The following IGF1R variants were observed in gnomAD, a reference collection of about 807,000 sequenced individuals.
IGF1R encodes insulin-like growth factor 1 receptor.
IGF1R carries 44 observed loss-of-function variants against 144.6 expected under a neutral mutation model. That is an observed-to-expected ratio of 0.30 (90% confidence interval 0.24 to 0.39). The LOEUF (loss-of-function observed/expected upper bound fraction) is 0.39, where lower values mean the gene tolerates loss of function less well. Ranked by LOEUF, IGF1R falls within the 10% of genes least tolerant of loss-of-function variation. IGF1R has a pLI of 1.00. For missense variants in IGF1R, 1,355 were observed against 1,833.7 expected, an observed-to-expected ratio of 0.74 and a Z score of 4.77; for synonymous variants, 795 against 722.8, an observed-to-expected ratio of 1.10 and a Z score of -1.60.
At chr15:98,712,484 C>A (rs1177900919) in intron 2 of IGF1R, among the ~76,000 whole-genome samples, 2 of 152,126 alleles carry the variant, frequency 1.3e-5, no homozygotes, top group Non-Finnish European at 2.9e-5. Context: ...CCTTTCCCTC[C>A]CGAATGGAAT....
intron 19 of IGF1R, among the ~76,000 whole-genome samples, chr15:98,944,261 G>A (rs939625): frequency 0.94 from 143,360 of 152,276 alleles, 68,119 homozygotes; most frequent in East Asian, 1. Flanking sequence ...CATATCTCTC[G>A]GGCAAATTTT....
At chr15:98,819,882 C>T (rs2056769992) in intron 2 of IGF1R, among the ~76,000 whole-genome samples, 1 of 152,102 alleles carries the variant, frequency 6.6e-6, no homozygotes, top group African/African-American at 2.4e-5. Context: ...GATGATCATA[C>T]CTGCTTCTAT....
intron 2 of IGF1R, among the ~76,000 whole-genome samples, chr15:98,733,738 G>C (rs532434481): frequency 1.3e-5 from 2 of 152,182 alleles, no homozygotes; most frequent in Non-Finnish European, 2.9e-5. Context: ...TGGAACATGG[G>C]ACTGTTTGCA....
chr15:98,899,249 A>C (rs1042646531), intron 4 of IGF1R, among the ~76,000 whole-genome samples: 2 of 152,196 alleles, frequency 1.3e-5, no homozygotes, highest in Non-Finnish European at 2.9e-5. Flanking sequence ...AGTACCCCCC[A>C]GCCTCCTAGA....
chr15:98,909,846 A>T (rs2014925083), intron 6 of IGF1R, among the ~76,000 whole-genome samples: 1 of 152,228 alleles, frequency 6.6e-6, no homozygotes. Flanking sequence ...CTCATATCAG[A>T]GATACAGCAG....
chr15:98,816,179 C>T lies in IGF1R; in HGVS notation c.641-75146C>T, dbSNP rs192799933. Among the ~76,000 whole-genome samples, 401 of 152,320 alleles carry T rather than the reference C, an allele frequency of 2.6e-3. 3 individuals carry two copies. Among genetic ancestry groups the T allele is most frequent in the African/African-American group, 8.8e-3 (366 of 41,568 alleles). ...CTTCACAGTGGCCCTAATCATGGGTCTCATCCTTGTTTTCCTGTCTCTTTG... is the reference window on the plus strand; with the variant it reads ...CTTCACAGTGGCCCTAATCATGGGTTTCATCCTTGTTTTCCTGTCTCTTTG... On this transcript the variant is annotated intron_variant, in intron 2 of 20. Coordinates refer to ENST00000650285, the MANE Select transcript of IGF1R (RefSeq NM_000875.5).
At chr15:98,656,846 G>A (rs1487158321) in intron 1 of IGF1R, among the ~76,000 whole-genome samples, 1 of 152,098 alleles carries the variant, frequency 6.6e-6, no homozygotes, top group Non-Finnish European at 1.5e-5. Context: ...ATACATTGTT[G>A]TTGCTGTTTT....
intron 2 of IGF1R, among the ~76,000 whole-genome samples, chr15:98,849,710 A>G (rs2011468034): frequency 6.6e-6 from 1 of 152,246 alleles, no homozygotes; most frequent in Admixed American, 6.5e-5. Flanking sequence ...GCTCCTAGAA[A>G]TTGTTAAGGA....
At position 98,964,360 on chromosome 15, in the gene IGF1R, T is replaced by G. The variant is rs551380064; in HGVS notation, c.*6918T>G. 2 of 230,888 alleles carry G rather than the reference T, an allele frequency of 8.7e-6. No individual in the cohort carries two copies. The highest frequency in any genetic ancestry group is 1.7e-5 in the Non-Finnish European group (2 of 116,514). 14.3% of individuals were successfully genotyped at this position (230,888 alleles called of 1,614,324 possible). A position where few individuals can be genotyped will look rare whatever the true frequency, so the allele number is the denominator to read the frequency against. On this transcript the variant is annotated 3_prime_UTR_variant, in exon 21 of 21. Transcript: ENST00000650285. ...TTCAAAATGTTTTTGTATATTCTGTTGTAAGAATTTATTCCTGTTATTGCG... is the reference window on the plus strand; with the variant it reads ...TTCAAAATGTTTTTGTATATTCTGTGGTAAGAATTTATTCCTGTTATTGCG...
chr15:98,659,444 A>T (rs1352702923), intron 1 of IGF1R, among the ~76,000 whole-genome samples: 3 of 152,172 alleles, frequency 2.0e-5, no homozygotes, highest in African/African-American at 7.2e-5. Context: ...TAGGTGACTG[A>T]ATTAATAGTG....
intron 2 of IGF1R, among the ~76,000 whole-genome samples, chr15:98,780,811 T>C (rs773673266): frequency 1.3e-5 from 2 of 152,214 alleles, no homozygotes; most frequent in African/African-American, 2.4e-5. Flanking sequence ...CATTTCTTTT[T>C]AATTAAACAA....
intron 5 of IGF1R, 55 bp from the exon 6 acceptor site, chr15:98,908,630 T>C: frequency 7.3e-7 from 1 of 1,368,676 alleles, no homozygotes. Flanking sequence ...GCCAGCAGGC[T>C]AGAGGGGACT....
At position 98,824,437 on chromosome 15, in the gene IGF1R, ACTT is replaced by A. The variant is rs537552436; in HGVS notation, c.641-66881_641-66879del. On this transcript the variant is annotated intron_variant, in intron 2 of 20. Coordinates refer to ENST00000650285, the MANE Select transcript of IGF1R (RefSeq NM_000875.5). The stretch of plus-strand genomic sequence containing the variant: ...AATACATCCTGTAAATTATTGTCAG[ACTT>A]CTTCTTATCTAAATAACTCGTTTAG... 8.5e-5 allele frequency among the ~76,000 whole-genome samples: 13 copies of A among 152,260 alleles called. No individual in the cohort carries two copies. In the East Asian group the frequency reaches 1.5e-3, roughly 18 times the overall value.
intron 2 of IGF1R, among the ~76,000 whole-genome samples, chr15:98,754,369 G>T (rs2095918821): frequency 6.6e-6 from 1 of 152,156 alleles, no homozygotes. Flanking sequence ...AGAGTCTTAA[G>T]CGATCTCCAG....
intron 18 of IGF1R, among the ~76,000 whole-genome samples, chr15:98,941,492 T>G (rs1318829447): frequency 1.3e-5 from 2 of 152,234 alleles, no homozygotes. Flanking sequence ...AAGTTTTTCA[T>G]TTGTGCTGAG....
chr15:98,793,742 A>C (rs548773129), intron 2 of IGF1R, among the ~76,000 whole-genome samples: 1 of 152,204 alleles, frequency 6.6e-6, no homozygotes, highest in Non-Finnish European at 1.5e-5. Context: ...TTTTGACATG[A>C]ATCTATAATT....
At chr15:98,654,654 G>A (rs1004791433) in intron 1 of IGF1R, among the ~76,000 whole-genome samples, 1 of 152,138 alleles carries the variant, frequency 6.6e-6, no homozygotes, top group Non-Finnish European at 1.5e-5. Context: ...ATCAGACCTA[G>A]TTCATGGAAG....
chr15:98,930,089 G>C lies in IGF1R; in HGVS notation c.2886-146G>C. ...AGGCCTGAATTGGGAGTGTAGACAAGAGCTGCTGTAGACAGTAAGCTCTCC... is the reference window on the plus strand; with the variant it reads ...AGGCCTGAATTGGGAGTGTAGACAACAGCTGCTGTAGACAGTAAGCTCTCC... On this transcript the variant is annotated intron_variant, in intron 14 of 20. Coordinates refer to ENST00000650285, the MANE Select transcript of IGF1R (RefSeq NM_000875.5). 5.7e-6 allele frequency: 4 copies of C among 703,740 alleles called. No homozygotes were observed. In the South Asian group the frequency reaches 6.2e-5, roughly 11 times the overall value. The allele number at this position is 703,740 out of a possible 1,614,324, so 43.6% of individuals were successfully genotyped here.
At chr15:98,864,382 A>G (rs1307368162) in intron 2 of IGF1R, among the ~76,000 whole-genome samples, 2 of 152,240 alleles carry the variant, frequency 1.3e-5, no homozygotes, top group Non-Finnish European at 2.9e-5. Flanking sequence ...CATCACTGAA[A>G]TACTAAAATC....
Sources: gnomAD v4.1 joint callset for allele counts (sites outside exome capture counted in the v4.1 genomes callset) on GRCh38, gnomAD v4.1.1 for gene constraint, MANE v1.5 for transcripts, NCBI Gene and HGNC (gene_info 2026-07-23, HGNC 2026-07-21) for gene names.